Variants in DDX1 observed in about 807,000 individuals in gnomAD.
DDX1 encodes the protein ATP-dependent RNA helicase DDX1.
In DDX1, 28 loss-of-function variants were observed where a neutral mutation model predicts 108.7. The observed-to-expected ratio is 0.26, with a 90% CI of 0.19 to 0.35. The LOEUF (loss-of-function observed/expected upper bound fraction) is 0.35. Ranked by LOEUF, DDX1 falls within the 10% of genes least tolerant of loss-of-function variation. The probability of loss-of-function intolerance (pLI) is 1.00; values close to 1 mark genes in which losing one functional copy is unlikely to be tolerated. For missense variants in DDX1, 710 were observed against 884.5 expected, an observed-to-expected ratio of 0.80 and a Z score of 2.50; for synonymous variants, 295 against 288.9, an observed-to-expected ratio of 1.02 and a Z score of -0.21.
chr2:15,599,385 C>T (rs1665551780), intron 5 of DDX1, among the ~76,000 whole-genome samples: 2 of 151,916 alleles, frequency 1.3e-5, no homozygotes, highest in South Asian at 4.2e-4. Flanking sequence ...CTGCTCACTG[C>T]AGTCTCCACC....
chr2:15,625,671 G>A (rs764522416), intron 19 of DDX1, among the ~76,000 whole-genome samples: 27 of 152,046 alleles, frequency 1.8e-4, no homozygotes, highest in Non-Finnish European at 3.2e-4. Flanking sequence ...GTTGCTACGT[G>A]TTTGAAAATA....
intron 13 of DDX1, among the ~76,000 whole-genome samples, chr2:15,611,671 CGGCT>C (rs1302253631): frequency 1.6e-4 from 18 of 113,834 alleles, no homozygotes; most frequent in Admixed American, 4.0e-4. Context: ...CCGGACGGGG[CGGCT>C]GGCCGGGCGG....
intron 5 of DDX1, 125 bp downstream of exon 5, chr2:15,597,596 A>G (rs1250960220): frequency 9.3e-6 from 6 of 644,316 alleles, no homozygotes; most frequent in African/African-American, 5.6e-5. Flanking sequence ...TGGTATTGGG[A>G]TCTGGAACCC....
At chr2:15,612,813 C>T (rs1054667615) in intron 13 of DDX1, among the ~76,000 whole-genome samples, 8 of 152,162 alleles carry the variant, frequency 5.3e-5, no homozygotes, top group African/African-American at 1.9e-4. Flanking sequence ...GAGACCAGCC[C>T]GGCCAACACA....
intron 10 of DDX1, 109 bp downstream of exon 10, chr2:15,604,618 C>T (rs529296671): frequency 2.8e-6 from 2 of 715,114 alleles, no homozygotes; most frequent in Non-Finnish European, 4.9e-6. Flanking sequence ...TCCCTCCCTG[C>T]CTTTACTTGA....
chr2:15,618,780 T>C (rs1433826891), intron 16 of DDX1, among the ~76,000 whole-genome samples: 2 of 152,260 alleles, frequency 1.3e-5, no homozygotes, highest in Non-Finnish European at 2.9e-5. Context: ...TCAGCCTGCC[T>C]TGGCCCTCCT....
chr2:15,624,338 A>T (rs965958149), intron 19 of DDX1, among the ~76,000 whole-genome samples: 4 of 152,186 alleles, frequency 2.6e-5, no homozygotes, highest in African/African-American at 9.6e-5. Flanking sequence ...AAGGGTTCAG[A>T]TTTTATGCTT....
intron 1 of DDX1, among the ~76,000 whole-genome samples, 175 bp downstream of exon 1, chr2:15,592,124 C>G (rs547695962): frequency 8.5e-5 from 13 of 152,236 alleles, no homozygotes; most frequent in Non-Finnish European, 1.8e-4. Flanking sequence ...GGCCGCGGCT[C>G]GGGTTCGGAG....
intron 25 of DDX1, 52 bp downstream of exon 25, chr2:15,630,162 T>G (rs775140205): frequency 6.3e-7 from 1 of 1,588,770 alleles, no homozygotes; most frequent in Non-Finnish European, 8.6e-7. Flanking sequence ...ATACCTGTTT[T>G]GAACTTCGGT....
chr2:15,596,632 G>A, intron 3 of DDX1, 102 bp from the exon 4 acceptor site: 1 of 991,718 alleles, frequency 1.0e-6, no homozygotes, highest in Non-Finnish European at 1.6e-6. Flanking sequence ...GAAAATAAAG[G>A]TAGCCAGTCA....
intron 23 of DDX1, 118 bp from the exon 24 acceptor site, chr2:15,629,484 T>C (rs1666157049): frequency 1.5e-6 from 1 of 674,702 alleles, no homozygotes; most frequent in South Asian, 2.0e-5. Context: ...ATATCATACC[T>C]ATAATCTATT....
intron 19 of DDX1, among the ~76,000 whole-genome samples, 162 bp from the exon 20 acceptor site, chr2:15,626,892 C>T (rs1666107114): frequency 6.6e-6 from 1 of 152,062 alleles, no homozygotes; most frequent in Non-Finnish European, 1.5e-5. Context: ...AATGGTACTT[C>T]GTTTGTGACA....
chr2:15,624,931 A>G (rs894257360), intron 19 of DDX1, among the ~76,000 whole-genome samples: 4 of 152,162 alleles, frequency 2.6e-5, no homozygotes, highest in African/African-American at 7.2e-5. Flanking sequence ...ATGCTGTCTT[A>G]TGGCCTAGCA....
In DDX1 at chr2:15,602,508, T is replaced by C. The variant is rs769310659; in HGVS notation, c.308-40T>C. The C allele has an allele frequency of 1.5e-5, 22 of 1,450,024 alleles. No individual in the cohort carries two copies. The African/African-American group carries it at 2.4e-4, about 16-fold the overall frequency. 89.8% of individuals were successfully genotyped at this position (1,450,024 alleles called of 1,614,324 possible). ...GTGGGAATGTATGATTTATAAAACC[T>C]GTACTGACGTGTTTTTCTGTGTTTT... On this transcript the variant is annotated intron_variant, in intron 6 of 25. Coordinates refer to ENST00000233084, the MANE Select transcript of DDX1 (RefSeq NM_004939.3).
intron 13 of DDX1, among the ~76,000 whole-genome samples, 173 bp from the exon 14 acceptor site, chr2:15,613,051 A>C (rs922858485): frequency 3.9e-5 from 6 of 151,940 alleles, no homozygotes; most frequent in Non-Finnish European, 7.4e-5. Flanking sequence ...GGGGAGGGAG[A>C]GGGCAGCGTG....
intron 19 of DDX1, 41 bp from the exon 20 acceptor site, chr2:15,627,013 A>G (rs576250916): frequency 2.9e-5 from 39 of 1,346,596 alleles, no homozygotes; most frequent in Middle Eastern, 1.9e-4. Context: ...TCTTAGGCAG[A>G]AGATTTTCCA....
intron 5 of DDX1, among the ~76,000 whole-genome samples, chr2:15,598,934 C>CT (rs58877571): frequency 0.24 from 36,525 of 151,194 alleles, 5,398 homozygotes; most frequent in African/African-American, 0.42. Context: ...AAAGGACTTG[C>CT]TTTTTTTTTG....
intron 19 of DDX1, among the ~76,000 whole-genome samples, chr2:15,625,544 A>G (rs572789829): frequency 3.3e-5 from 5 of 152,318 alleles, no homozygotes; most frequent in Non-Finnish European, 5.9e-5. Context: ...TATGAAGATG[A>G]GTTGATGGAT....
Position 15,627,068 on chromosome 2 carries a change from G to A in DDX1, c.1609G>A (p.Gly537Arg). 2.5e-6 allele frequency: 4 copies of A among 1,606,700 alleles called. No individual in the cohort carries two copies. Among genetic ancestry groups the A allele is most frequent in the Non-Finnish European group, 3.4e-6 (4 of 1,176,882 alleles). Residue 537 changes from glycine (G) to arginine (R), a missense_variant, in exon 20 of 26, where the codon GGA (glycine) becomes AGA (arginine). Physicochemically the swap from Gly to Arg is moderately radical, Grantham distance 125. Coordinates refer to ENST00000233084, the MANE Select transcript of DDX1 (RefSeq NM_004939.3). ...IQQGGGPDKK[G>R]HQFSCVCLHG... ...CTTTTCACTAGGACCTGATAAAAAAGGACACCAGTTCTCATGTGTTTGTCT... is the reference window on the plus strand; with the variant it reads ...CTTTTCACTAGGACCTGATAAAAAAAGACACCAGTTCTCATGTGTTTGTCT...
Sources: gnomAD v4.1 joint callset for allele counts (sites outside exome capture counted in the v4.1 genomes callset) on GRCh38, gnomAD v4.1.1 for gene constraint, MANE v1.5 for transcripts, NCBI Gene and HGNC (gene_info 2026-07-23, HGNC 2026-07-21) for gene names.